Variants in ATF6 observed in about 807,000 individuals in gnomAD.
ATF6 encodes activating transcription factor 6, also known as cyclic AMP-dependent transcription factor ATF-6 alpha.
In ATF6, 53 loss-of-function variants were observed where a neutral mutation model predicts 83.6. The ratio of observed to expected loss-of-function variants is 0.63; its 90% confidence interval spans 0.51 to 0.80. The LOEUF (loss-of-function observed/expected upper bound fraction) is 0.80. Among genes scored for constraint, ATF6 ranks in the 30% least tolerant of loss-of-function variants. ATF6 has a pLI of 0.00. For missense variants in ATF6, 744 were observed against 797.9 expected (o/e 0.93, Z 0.81); for synonymous variants, 288 against 285.8 (o/e 1.01, Z -0.08).
At chr1:161,927,755 G>C (rs1278193378) in intron 15 of ATF6, among the ~76,000 whole-genome samples, 1 of 152,114 alleles carries the variant, frequency 6.6e-6, no homozygotes, top group Non-Finnish European at 1.5e-5. Context: ...ATTTAAAATA[G>C]ATAATATTCA....
At chr1:161,876,980 G>T (rs2101853868) in intron 14 of ATF6, among the ~76,000 whole-genome samples, 1 of 151,822 alleles carries the variant, frequency 6.6e-6, no homozygotes, top group East Asian at 1.9e-4. Flanking sequence ...TTTCCAAAAA[G>T]ATTTAAAAAT....
At chr1:161,891,613 A>AT (rs1354787335) in intron 14 of ATF6, 1 of 152,210 alleles carries the variant, frequency 6.6e-6, no homozygotes, top group Non-Finnish European at 1.5e-5. Flanking sequence ...ACCTTGCGTG[A>AT]TGTAATCCTT....
chr1:161,898,958 A>G (rs1687730536), intron 14 of ATF6, among the ~76,000 whole-genome samples: 1 of 152,200 alleles, frequency 6.6e-6, no homozygotes, highest in African/African-American at 2.4e-5. Context: ...GTAAAATTCT[A>G]AAGTATTCTG....
intron 15 of ATF6, among the ~76,000 whole-genome samples, chr1:161,951,517 T>C (rs1688862399): frequency 6.6e-6 from 1 of 152,212 alleles, no homozygotes; most frequent in African/African-American, 2.4e-5. Context: ...CTGTGCTAGC[T>C]TTGGGCATGT....
chr1:161,773,330 G>A (rs1354974579), intron 1 of ATF6, among the ~76,000 whole-genome samples: 3 of 151,886 alleles, frequency 2.0e-5, no homozygotes, highest in African/African-American at 7.3e-5. Context: ...GTAGAGACGG[G>A]GTTTCACCGT....
At chr1:161,851,472 C>T (rs1369213382) in intron 10 of ATF6, among the ~76,000 whole-genome samples, 2 of 152,168 alleles carry the variant, frequency 1.3e-5, no homozygotes, top group African/African-American at 2.4e-5. Context: ...TATTGTATCG[C>T]TTATTCCAAA....
intron 15 of ATF6, among the ~76,000 whole-genome samples, chr1:161,927,773 A>T (rs1688347240): frequency 6.6e-6 from 1 of 152,198 alleles, no homozygotes; most frequent in Non-Finnish European, 1.5e-5. Flanking sequence ...TCAGTGTTCG[A>T]TGAAGAAAGA....
chr1:161,794,299 G>A (rs1337962843), intron 6 of ATF6, among the ~76,000 whole-genome samples: 3 of 152,082 alleles, frequency 2.0e-5, no homozygotes, highest in Admixed American at 2.0e-4. Flanking sequence ...GAATGGGGAG[G>A]AAGAAGGGAA....
chr1:161,924,619 A>G (rs1688275044), intron 15 of ATF6, among the ~76,000 whole-genome samples: 1 of 152,300 alleles, frequency 6.6e-6, no homozygotes, highest in African/African-American at 2.4e-5. Context: ...TAATATTTAG[A>G]TTAAATAGTG....
intron 4 of ATF6, among the ~76,000 whole-genome samples, chr1:161,784,476 G>A (rs1684702566): frequency 6.6e-6 from 1 of 151,974 alleles, no homozygotes; most frequent in Non-Finnish European, 1.5e-5. Flanking sequence ...TATCTCTTTA[G>A]TCACAGCATC....
chr1:161,813,687 A>G (rs913531197), intron 7 of ATF6, among the ~76,000 whole-genome samples: 7 of 152,148 alleles, frequency 4.6e-5, no homozygotes, highest in South Asian at 2.1e-4. Flanking sequence ...ATTCTGGTCT[A>G]ACTCTCTCTT....
intron 15 of ATF6, among the ~76,000 whole-genome samples, chr1:161,943,959 T>C (rs919443343): frequency 2.6e-5 from 4 of 152,230 alleles, no homozygotes; most frequent in African/African-American, 9.6e-5. Context: ...TGTTGTTCAC[T>C]TCTCCACTCC....
At chr1:161,835,494 T>G (rs1686191063) in intron 9 of ATF6, among the ~76,000 whole-genome samples, 1 of 152,246 alleles carries the variant, frequency 6.6e-6, no homozygotes, top group African/African-American at 2.4e-5. Context: ...GGTTGAAAAC[T>G]GTTGTGTGTA....
At position 161,895,676 on chromosome 1, in the gene ATF6, G is replaced by A. The variant is rs975226587; in HGVS notation, c.1720-16620G>A. 7.2e-5 allele frequency among the ~76,000 whole-genome samples: 11 copies of A among 152,266 alleles called. No homozygotes were observed. The East Asian group carries it at 2.1e-3, about 29-fold the overall frequency. On this transcript the variant is annotated intron_variant, in intron 14 of 15. Transcript: ENST00000367942. ...AGAATGTCTAGATATTTAGAATAGG[G>A]TTTTACTCTGCTTTTAGGTTGGGGC...
chr1:161,845,010 A>G lies in ATF6; in HGVS notation c.1188-1439A>G, dbSNP rs16853479. 8.5e-3 allele frequency among the ~76,000 whole-genome samples: 1,299 copies of G among 152,324 alleles called. 15 individuals are homozygous for G. The highest frequency in any genetic ancestry group is 0.03 in the African/African-American group (1,234 of 41,576). On this transcript the variant is annotated intron_variant, in intron 9 of 15. Coordinates refer to ENST00000367942, the MANE Select transcript of ATF6 (RefSeq NM_007348.4). ...TTGTAGCAAAATTAAATGTTACACA[A>G]TGGCTTTAATTGGTGGTACACCTTT...
chr1:161,804,668 A>AC (rs1685235127), intron 7 of ATF6, among the ~76,000 whole-genome samples: 1 of 115,904 alleles, frequency 8.6e-6, no homozygotes, highest in Non-Finnish European at 2.2e-5. Flanking sequence ...CAGAAGAGCA[A>AC]CCCCCCTGCC....
intron 6 of ATF6, among the ~76,000 whole-genome samples, chr1:161,794,416 G>C (rs1684960058): frequency 6.6e-6 from 1 of 152,106 alleles, no homozygotes. Context: ...AGATTCTCTA[G>C]CTTGGAATGT....
At chr1:161,857,655 A>G (rs899698842) in intron 12 of ATF6, among the ~76,000 whole-genome samples, 1 of 152,206 alleles carries the variant, frequency 6.6e-6, no homozygotes, top group African/African-American at 2.4e-5. Context: ...ATATTTGGGT[A>G]AAAAGAACAG....
At chr1:161,951,373 G>C (rs750268170) in intron 15 of ATF6, among the ~76,000 whole-genome samples, 1 of 152,236 alleles carries the variant, frequency 6.6e-6, no homozygotes, top group Admixed American at 6.5e-5. Context: ...ACTTTCTCAA[G>C]TTGGAGCCAA....
Sources: gnomAD v4.1 joint callset for allele counts (sites outside exome capture counted in the v4.1 genomes callset) on GRCh38, gnomAD v4.1.1 for gene constraint, MANE v1.5 for transcripts, NCBI Gene and HGNC (gene_info 2026-07-23, HGNC 2026-07-21) for gene names.